The following GALNT15 variants were observed in gnomAD, a reference collection of about 807,000 sequenced individuals.
The protein encoded by GALNT15 is polypeptide N-acetylgalactosaminyltransferase 15.
Under a neutral mutation model 66.8 loss-of-function variants are expected in GALNT15, and 67 were observed. The ratio of observed to expected loss-of-function variants is 1.00; its 90% confidence interval spans 0.82 to 1.23. GALNT15 has a LOEUF of 1.23. Among genes scored for constraint, GALNT15 ranks in the 50% most tolerant of loss-of-function variants. The pLI is 0.00. For synonymous variants in GALNT15, 313 were observed against 311.5 expected, an observed-to-expected ratio of 1.00 and a Z score of -0.05; for missense variants, 827 against 804.3, an observed-to-expected ratio of 1.03 and a Z score of -0.34.
At position 16,228,845 on chromosome 3, in the gene GALNT15, C is replaced by T; in HGVS notation, c.*1345C>T. 1.0e-6 allele frequency: 1 copy of T among 985,384 alleles called. No individual in the cohort carries two copies. Among genetic ancestry groups the T allele is most frequent in the Non-Finnish European group, 1.2e-6 (1 of 829,932 alleles). The allele number at this position is 985,384 out of a possible 1,614,324, so 61.0% of individuals were successfully genotyped here. A position where few individuals can be genotyped will look rare whatever the true frequency, so the allele number is the denominator to read the frequency against. On this transcript the variant is annotated 3_prime_UTR_variant, in exon 10 of 10. Transcript: ENST00000339732. ...CAGGGCCATCTCTGAGCCCATATAA[C>T]TGTCTGGAACCCCCAAATGTGTCCA...
At chr3:16,206,449 G>T (rs2063757719) in intron 3 of GALNT15, among the ~76,000 whole-genome samples, 1 of 151,704 alleles carries the variant, frequency 6.6e-6, no homozygotes, top group African/African-American at 2.4e-5. Context: ...CTGAGGTTGG[G>T]GGATCACTAG....
chr3:16,242,657 TA>T, the GALNT15 span, among the ~76,000 whole-genome samples: 1 of 152,120 alleles, frequency 6.6e-6, no homozygotes, highest in Non-Finnish European at 1.5e-5. The surrounding 1 kb of genome is among the most constrained non-coding windows in gnomAD (Gnocchi z 5.6). Flanking sequence ...CACATGCCTG[TA>T]GTCCCAGCTA....
intron 3 of GALNT15, among the ~76,000 whole-genome samples, chr3:16,201,891 C>T (rs964771847): frequency 5.9e-5 from 9 of 152,206 alleles, no homozygotes; most frequent in Non-Finnish European, 1.2e-4. Flanking sequence ...CCTTGGACCA[C>T]CTCAGGCATA....
At chr3:16,226,109 A>G (rs974575229) in intron 9 of GALNT15, among the ~76,000 whole-genome samples, 1 of 152,166 alleles carries the variant, frequency 6.6e-6, no homozygotes, top group African/African-American at 2.4e-5. Context: ...CCACATTTAT[A>G]TAGTTCCATT....
chr3:16,209,977 CG>C lies in GALNT15; in HGVS notation c.1080-1144del, dbSNP rs2063796152. On this transcript the variant is annotated intron_variant, in intron 4 of 9. Coordinates refer to ENST00000339732, the MANE Select transcript of GALNT15 (RefSeq NM_054110.5). This position sits in a 1 kb window ranked among gnomAD's most constrained non-coding sequence, Gnocchi z 4.1. ...ATTAGTATATTTGACTAAAGAGTGC[CG>C]GGCAGACCCCACTAGGACTGATGTG... is the stretch of plus-strand genomic sequence containing the variant. Among the ~76,000 whole-genome samples, 1 of 150,376 alleles carries C rather than the reference CG, an allele frequency of 6.6e-6. No homozygotes were observed.
In GALNT15 at chr3:16,175,652, C is replaced by G. The variant is rs764177361; in HGVS notation, c.501C>G (p.Ile167Met). Residue 167 changes from isoleucine (I) to methionine (M), a missense_variant, in exon 1 of 10, where the codon ATC (isoleucine) becomes ATG (methionine). Transcript: ENST00000339732. The surrounding 1 kb of genome is among the most constrained non-coding windows in gnomAD (Gnocchi z 5.6). Reference sequence around the variant, plus strand: ...TCCAGGAGGCACTCAGTGCCCGCATCCCCCTCCAGAGGGCTCTGCCCGAGG... The same window carrying G: ...TCCAGGAGGCACTCAGTGCCCGCATGCCCCTCCAGAGGGCTCTGCCCGAGG... ...RGLQEALSARIPLQRALPEVR... is the reference protein window; with the variant it reads ...RGLQEALSARMPLQRALPEVR... The G allele has an allele frequency of 5.6e-6, 9 of 1,610,210 alleles. No individual in the cohort carries two copies. In the East Asian group the frequency reaches 1.6e-4, roughly 28 times the overall value.
chr3:16,240,607 G>A, the GALNT15 span, among the ~76,000 whole-genome samples: 1 of 152,268 alleles, frequency 6.6e-6, no homozygotes, highest in East Asian at 1.9e-4. Flanking sequence ...ATGGGGATAT[G>A]CCCAGCTTAT....
At chr3:16,205,428 A>G (rs1196170867) in intron 3 of GALNT15, among the ~76,000 whole-genome samples, 1 of 152,226 alleles carries the variant, frequency 6.6e-6, no homozygotes, top group African/African-American at 2.4e-5. Flanking sequence ...TCAGTGAACC[A>G]GTCTTTGTTG....
downstream of GALNT15, among the ~76,000 whole-genome samples, chr3:16,231,555 C>T (rs2124913849): frequency 6.6e-6 from 1 of 152,226 alleles, no homozygotes; most frequent in South Asian, 2.1e-4. This position sits in a 1 kb window ranked among gnomAD's most constrained non-coding sequence, Gnocchi z 4.1. Context: ...AACAGCTTGC[C>T]TGATGGTTTG....
At chr3:16,217,815 A>G (rs953203680) in intron 6 of GALNT15, among the ~76,000 whole-genome samples, 3 of 152,238 alleles carry the variant, frequency 2.0e-5, no homozygotes, top group East Asian at 3.8e-4. Context: ...TTGGTAGCAA[A>G]GTCCAACTCT....
chr3:16,202,851 G>A (rs550915740), intron 3 of GALNT15, among the ~76,000 whole-genome samples: 19 of 152,316 alleles, frequency 1.2e-4, no homozygotes, highest in East Asian at 1.2e-3. Context: ...TTTCGCTATC[G>A]AGAACCCTGA....
intron 6 of GALNT15, among the ~76,000 whole-genome samples, chr3:16,215,905 C>CCAAAAAAAAAAAA (rs2063866437): frequency 1.8e-5 from 1 of 55,360 alleles, no homozygotes; most frequent in South Asian, 9.7e-4. Context: ...GGAGACTCCG[C>CCAAAAAAAAAAAA]CAAAAAAAAA....
chr3:16,211,359 TAA>T lies in GALNT15; in HGVS notation c.1197+120_1197+121del. ...AAGGAATGAGGCTGTGGGAAAATTA[TAA>T]AGTCATTCCTGTGTTGTGTGTCAAA... is the stretch of plus-strand genomic sequence containing the variant. On this transcript the variant is annotated intron_variant, in intron 5 of 9. Coordinates refer to ENST00000339732, the MANE Select transcript of GALNT15 (RefSeq NM_054110.5). This position sits in a 1 kb window ranked among gnomAD's most constrained non-coding sequence, Gnocchi z 4.3. The T allele has an allele frequency of 1.5e-6, 1 of 684,658 alleles. No individual in the cohort carries two copies. The highest frequency in any genetic ancestry group is 1.7e-5 in the South Asian group (1 of 59,528). The allele number at this position is 684,658 out of a possible 1,614,324, so 42.4% of individuals were successfully genotyped here. A position where few individuals can be genotyped will look rare whatever the true frequency, so the allele number is the denominator to read the frequency against.
At chr3:16,197,683 C>T (rs1373194460) in intron 2 of GALNT15, among the ~76,000 whole-genome samples, 1 of 152,090 alleles carries the variant, frequency 6.6e-6, no homozygotes, top group Admixed American at 6.5e-5. Context: ...TCAGGGTATT[C>T]GTCTGGGGTG....
At chr3:16,247,918 G>A in the GALNT15 span, among the ~76,000 whole-genome samples, 3 of 152,306 alleles carry the variant, frequency 2.0e-5, no homozygotes, top group Admixed American at 1.3e-4. Context: ...GGAACGAAGT[G>A]GCATGCACAT....
intron 6 of GALNT15, among the ~76,000 whole-genome samples, chr3:16,216,817 C>G (rs2063884260): frequency 6.6e-6 from 1 of 152,222 alleles, no homozygotes; most frequent in Non-Finnish European, 1.5e-5. Context: ...CAGTTAAACG[C>G]CACCATTTTG....
chr3:16,230,936 A>G (rs2064075938), downstream of GALNT15, among the ~76,000 whole-genome samples: 1 of 152,164 alleles, frequency 6.6e-6, no homozygotes, highest in South Asian at 2.1e-4. The surrounding 1 kb of genome is among the most constrained non-coding windows in gnomAD (Gnocchi z 4.5). Flanking sequence ...AATGTGGCAC[A>G]TATACACCAT....
At chr3:16,190,595 G>C (rs1445645787) in intron 1 of GALNT15, among the ~76,000 whole-genome samples, 1 of 144,624 alleles carries the variant, frequency 6.9e-6, no homozygotes, top group Admixed American at 7.1e-5. Flanking sequence ...CCAAGATCGC[G>C]CCACTGCACT....
At position 16,227,636 on chromosome 3, in the gene GALNT15, G is replaced by T; in HGVS notation, c.*136G>T. ...GTGTTAGGAGAGAAAAAAGCTCTAT[G>T]AAAGAATATAGGAAGTTTCTCCTTT... On this transcript the variant is annotated 3_prime_UTR_variant, in exon 10 of 10. Coordinates refer to ENST00000339732, the MANE Select transcript of GALNT15 (RefSeq NM_054110.5). This position sits in a 1 kb window ranked among gnomAD's most constrained non-coding sequence, Gnocchi z 4.5. The T allele has an allele frequency of 6.7e-7, 1 of 1,499,984 alleles. No homozygotes were observed. The highest frequency in any genetic ancestry group is 1.9e-4 in the Middle Eastern group (1 of 5,252). The allele number at this position is 1,499,984 out of a possible 1,614,324, so 92.9% of individuals were successfully genotyped here.
Sources: allele counts gnomAD v4.1 joint callset (sites outside exome capture counted in the v4.1 genomes callset), GRCh38; gene constraint gnomAD v4.1.1; non-coding constraint Gnocchi (gnomAD v3.1); transcripts MANE v1.5; gene names NCBI Gene and HGNC (gene_info 2026-07-23, HGNC 2026-07-21).